The following EGF variants were observed in gnomAD, a reference collection of about 807,000 sequenced individuals.
The protein encoded by EGF is pro-epidermal growth factor.
In EGF, 95 loss-of-function variants were observed where a neutral mutation model predicts 143.8. The ratio of observed to expected loss-of-function variants is 0.66; its 90% CI spans 0.56 to 0.78. EGF has a LOEUF of 0.78. EGF is among the 30% of genes least tolerant of loss of function. EGF has a pLI of 0.00. For synonymous variants in EGF, 510 were observed against 510.5 expected, an observed-to-expected ratio of 1.00 and a Z score of 0.01; for missense variants, 1,320 against 1,470.9, an observed-to-expected ratio of 0.90 and a Z score of 1.68.
Position 109,983,545 on chromosome 4 carries a change from T to G in EGF, c.2491+4T>G, listed in dbSNP as rs1465006301. On this transcript the variant is annotated splice_donor_region_variant and intron_variant, in intron 16 of 23. Coordinates refer to ENST00000265171, the MANE Select transcript of EGF (RefSeq NM_001963.6). ...GTGGCTGAAATCATGGTGTCAGGTA[T>G]GAATAACTAGTTCTCCAATATACCT... is the stretch of plus-strand genomic sequence containing the variant. The G allele has an allele frequency of 6.2e-7, 1 of 1,613,444 alleles. No homozygotes were observed. The highest frequency in any genetic ancestry group is 2.2e-5 in the East Asian group (1 of 44,836).
Position 109,974,737 on chromosome 4 carries a change from A to C in EGF, c.1759A>C (p.Lys587Gln). 6.2e-7 allele frequency: 1 copy of C among 1,613,622 alleles called. No homozygotes were observed. Among genetic ancestry groups the C allele is most frequent in the Non-Finnish European group, 8.5e-7 (1 of 1,179,634 alleles). Reference protein sequence around the residue: ...SLIGRSDLNGKRSKIITKENI... With the variant: ...SLIGRSDLNGQRSKIITKENI... ...GATTGGAAGGAGTGATTTAAATGGG[A>C]AACGTTCCAAAATAATCACTAAGGA... The change falls in exon 12 of 24, where the codon AAA becomes CAA. Residue 587 changes from lysine to glutamine, a missense_variant. Around this residue, in one of 5 missense-constraint regions of EGF, gnomAD observed 1,186 missense variants for 1,313.7 expected, o/e 0.90. Coordinates refer to ENST00000265171, the MANE Select transcript of EGF (RefSeq NM_001963.6).
intron 1 of EGF, among the ~76,000 whole-genome samples, chr4:109,936,080 T>G (rs1579511639): frequency 6.6e-6 from 1 of 152,340 alleles, no homozygotes; most frequent in African/African-American, 2.4e-5. Context: ...TAGGGAAGAT[T>G]CTCTCTTTTT....
chr4:110,009,370 T>G (rs1220872745), intron 23 of EGF, among the ~76,000 whole-genome samples: 2 of 152,232 alleles, frequency 1.3e-5, no homozygotes, highest in African/African-American at 4.8e-5. Context: ...AATGGAATAT[T>G]TGTAGTTACT....
At chr4:109,975,578 T>C (rs1462307960) in intron 12 of EGF, among the ~76,000 whole-genome samples, 1 of 152,230 alleles carries the variant, frequency 6.6e-6, no homozygotes, top group East Asian at 1.9e-4. Context: ...AACAGATAAA[T>C]ATGATCTTTC....
chr4:109,933,057 T>C (rs1740075475), intron 1 of EGF, among the ~76,000 whole-genome samples: 2 of 152,224 alleles, frequency 1.3e-5, no homozygotes, highest in Non-Finnish European at 1.5e-5. Flanking sequence ...ATACATGTAG[T>C]CCTCCACAAT....
chr4:109,962,088 A>G (rs1745797821), intron 8 of EGF, 103 bp downstream of exon 8: 2 of 1,535,856 alleles, frequency 1.3e-6, no homozygotes, highest in Non-Finnish European at 1.8e-6. Context: ...TTGATTTTCC[A>G]ATATTGTATA....
intron 21 of EGF, 48 bp downstream of exon 21, chr4:109,999,894 C>T: frequency 6.2e-7 from 1 of 1,610,012 alleles, no homozygotes; most frequent in Non-Finnish European, 8.5e-7. Flanking sequence ...CTAAGACCTC[C>T]CAGGGGAATG....
intron 13 of EGF, 53 bp downstream of exon 13, chr4:109,976,288 T>TTAAATAC: frequency 6.1e-6 from 9 of 1,472,874 alleles, no homozygotes; most frequent in Non-Finnish European, 8.5e-6. Flanking sequence ...TTTATGAGTG[T>TTAAATAC]TAAATACAAA....
intron 20 of EGF, 135 bp from the exon 21 acceptor site, chr4:109,999,544 A>G (rs1752273632): frequency 2.7e-6 from 3 of 1,125,994 alleles, no homozygotes; most frequent in Non-Finnish European, 4.0e-6. Flanking sequence ...CTGACCCCTG[A>G]TGGATTTTCT....
intron 21 of EGF, among the ~76,000 whole-genome samples, chr4:110,002,318 C>T (rs1752673029): frequency 6.6e-6 from 1 of 152,004 alleles, no homozygotes. Context: ...ATGGCAAAAC[C>T]CTGCCTCTAC....
chr4:109,976,027 T>C lies in EGF; in HGVS notation c.1845T>C (p.Thr615=). The change falls in exon 13 of 24, where the codon ACT becomes ACC. Residue 615 remains threonine (T), a synonymous_variant. Transcript: ENST00000265171. ...VHPMAKRLFW[T]DTGINPRIES... is the part of the protein sequence containing the mutation. ...TTGATTAAAGGAGATTATTCTGGAC[T>C]GATACAGGGATTAATCCACGAATTG... The C allele has an allele frequency of 6.2e-7, 1 of 1,613,950 alleles. No individual in the cohort carries two copies. The highest frequency in any genetic ancestry group is 1.1e-5 in the South Asian group (1 of 91,080).
At position 110,012,381 on chromosome 4, in the gene EGF, T is replaced by C. The variant is rs1479085625; in HGVS notation, c.*926T>C. On this transcript the variant is annotated 3_prime_UTR_variant, in exon 24 of 24. Transcript: ENST00000265171. Reference sequence around the variant, plus strand: ...TTCTGTTTTTCGTTTTTTTTTTTTTTCCGGAGAGAGGATAGGATCTCACTC... The same window carrying C: ...TTCTGTTTTTCGTTTTTTTTTTTTTCCCGGAGAGAGGATAGGATCTCACTC... The C allele has an allele frequency of 2.2e-5, 3 of 138,858 alleles. No individual in the cohort carries two copies. The highest frequency in any genetic ancestry group is 3.1e-5 in the Non-Finnish European group (2 of 65,170). 8.6% of individuals were successfully genotyped at this position (138,858 alleles called of 1,614,324 possible).
chr4:109,962,336 T>G (rs1560696995), intron 8 of EGF, among the ~76,000 whole-genome samples: 1 of 152,200 alleles, frequency 6.6e-6, no homozygotes, highest in Non-Finnish European at 1.5e-5. Context: ...CCACCTTGAT[T>G]AAATGAGACT....
At chr4:109,945,357 T>C (rs890733772) in intron 5 of EGF, 82 bp downstream of exon 5, 85 of 1,422,040 alleles carry the variant, frequency 6.0e-5, no homozygotes, top group South Asian at 1.2e-5. Flanking sequence ...TGAGGCGTTG[T>C]AGGGGAAAAA....
intron 5 of EGF, among the ~76,000 whole-genome samples, chr4:109,949,583 A>G (rs767118851): frequency 6.7e-6 from 1 of 150,024 alleles, no homozygotes; most frequent in African/African-American, 2.4e-5. Context: ...AGCAGCCCAC[A>G]GGACTCTTGA....
At chr4:109,925,072 T>C (rs1457734523) in intron 1 of EGF, among the ~76,000 whole-genome samples, 1 of 152,224 alleles carries the variant, frequency 6.6e-6, no homozygotes, top group Non-Finnish European at 1.5e-5. Context: ...CTCTATTTAC[T>C]AAGCTTAATG....
chr4:109,944,691 A>G (rs913942501), intron 4 of EGF, among the ~76,000 whole-genome samples: 1 of 152,252 alleles, frequency 6.6e-6, no homozygotes, highest in Non-Finnish European at 1.5e-5. Flanking sequence ...ACATATTTTT[A>G]TCTTTCATTG....
chr4:110,004,238 A>T lies in EGF; in HGVS notation c.3174-267A>T. On this transcript the variant is annotated intron_variant, in intron 21 of 23. Coordinates refer to ENST00000265171, the MANE Select transcript of EGF (RefSeq NM_001963.6). ...CATACACACACACACACACACACAC[A>T]CACACACACACACAAACACACACAC... 6.3e-6 allele frequency: 3 copies of T among 476,814 alleles called. No individual in the cohort carries two copies. In the Admixed American group the frequency reaches 9.4e-5, roughly 15 times the overall value. 29.5% of individuals were successfully genotyped at this position (476,814 alleles called of 1,614,324 possible). A position where few individuals can be genotyped will look rare whatever the true frequency, so the allele number is the denominator to read the frequency against.
intron 6 of EGF, 87 bp downstream of exon 6, chr4:109,959,524 TG>T: frequency 6.2e-7 from 1 of 1,606,574 alleles, no homozygotes; most frequent in Non-Finnish European, 8.5e-7. Flanking sequence ...TTGTCTTCAG[TG>T]GGCCAGCCAG....
Sources: gnomAD v4.1 joint callset for allele counts (sites outside exome capture counted in the v4.1 genomes callset) on GRCh38, gnomAD v4.1.1 for gene constraint, gnomAD v4.1.1 regional missense constraint, MANE v1.5 for transcripts, NCBI Gene and HGNC (gene_info 2026-07-23, HGNC 2026-07-21) for gene names.